The following ARID1A variants were observed in gnomAD, a reference collection of about 807,000 sequenced individuals.
The protein encoded by ARID1A is AT-rich interaction domain 1A, also known as AT-rich interactive domain-containing protein 1A.
ARID1A carries 20 observed loss-of-function variants against 212.6 expected under a neutral mutation model. That is an observed-to-expected ratio of 0.09 (90% CI 0.07 to 0.14). The LOEUF is 0.14. Ranked by LOEUF, ARID1A falls within the 10% of genes least tolerant of loss-of-function variation. The probability of loss-of-function intolerance (pLI) is 1.00; values close to 1 mark genes in which losing one functional copy is unlikely to be tolerated. For synonymous variants in ARID1A, 1,376 were observed against 1,222.1 expected (o/e 1.13, Z -2.63); for missense variants, 2,587 against 3,059.0 (o/e 0.85, Z 3.64).
rs2124082310 is a variant in ARID1A at position 26,766,569 on chromosome 1, A to T, written c.2988+3A>T. ...CCAAGACAGAATCCAAATCCAAGGT[A>T]GTGATTTTTGTCTTGACTCCTTTCA... On this transcript the variant is annotated splice_donor_region_variant and intron_variant, in intron 10 of 19. Transcript: ENST00000324856. 6.2e-7 allele frequency: 1 copy of T among 1,605,944 alleles called. No homozygotes were observed. The highest frequency in any genetic ancestry group is 1.1e-5 in the South Asian group (1 of 89,966).
chr1:26,752,647 T>C (rs2080895032), intron 4 of ARID1A, among the ~76,000 whole-genome samples: 1 of 152,272 alleles, frequency 6.6e-6, no homozygotes, highest in Non-Finnish European at 1.5e-5. Flanking sequence ...TCATGGGTTA[T>C]GTTTCCCAGT....
At position 26,775,238 on chromosome 1, in the gene ARID1A, A is replaced by G. The variant is rs757459262; in HGVS notation, c.4993+18A>G. 1.0e-5 allele frequency: 16 copies of G among 1,556,810 alleles called. No individual in the cohort carries two copies. Among genetic ancestry groups the G allele is most frequent in the South Asian group, 9.7e-5 (8 of 82,482 alleles). ...AGACATTGGTAAGGAGATCTTCCTC[A>G]TTCGGTTGCCTAATCTGCCCCTTTC... On this transcript the variant is annotated intron_variant, in intron 18 of 19. Transcript: ENST00000324856.
At chr1:26,727,846 A>G (rs2080632796) in intron 1 of ARID1A, 1 of 152,224 alleles carries the variant, frequency 6.6e-6, no homozygotes, top group African/African-American at 2.4e-5. Context: ...TGAGGACCTC[A>G]GTGTGATATG....
chr1:26,706,909 T>G (rs961277030), intron 1 of ARID1A, among the ~76,000 whole-genome samples: 4 of 152,226 alleles, frequency 2.6e-5, no homozygotes, highest in African/African-American at 9.6e-5. Flanking sequence ...GTCTCCAGAT[T>G]TCTAACATTG....
chr1:26,706,747 G>A (rs778718073), intron 1 of ARID1A, among the ~76,000 whole-genome samples: 2 of 152,116 alleles, frequency 1.3e-5, no homozygotes, highest in Non-Finnish European at 1.5e-5. Context: ...CTGGGAATTG[G>A]TTTATTACTG....
intron 4 of ARID1A, among the ~76,000 whole-genome samples, chr1:26,735,022 T>C (rs956707496): frequency 1.3e-5 from 2 of 152,182 alleles, no homozygotes; most frequent in Non-Finnish European, 2.9e-5. Flanking sequence ...CAGTTATTGA[T>C]GCCAAGCCAT....
chr1:26,768,872 C>T (rs955946660), intron 11 of ARID1A, among the ~76,000 whole-genome samples: 5 of 152,054 alleles, frequency 3.3e-5, no homozygotes, highest in African/African-American at 7.3e-5. Context: ...TGGCTGAGCT[C>T]GGGGAGGTGT....
Position 26,696,731 on chromosome 1 carries a change from A to G in ARID1A, c.328A>G (p.Arg110Gly), listed in dbSNP as rs1444337339. ...GAACTCGAACGGGAACGCGGGCCCT[A>G]GGCCCGCCCTGAACAATAACCTCAC... is the stretch of plus-strand genomic sequence containing the variant. ...LKNSNGNAGP[R>G]PALNNNLTEP... Residue 110 changes from arginine (R) to glycine (G), a missense_variant, in exon 1 of 20, where the codon AGG (arginine) becomes GGG (glycine). This residue lies in a region of ARID1A where 735 missense variants were observed against 590.6 expected (regional missense o/e 1.24). Coordinates refer to ENST00000324856, the MANE Select transcript of ARID1A (RefSeq NM_006015.6). The G allele has an allele frequency of 1.7e-5, 23 of 1,371,672 alleles. No homozygotes were observed. The highest frequency in any genetic ancestry group is 9.3e-5 in the East Asian group (3 of 32,326). 85.0% of individuals were successfully genotyped at this position (1,371,672 alleles called of 1,614,324 possible).
chr1:26,755,359 C>A (rs1214051085), intron 4 of ARID1A, among the ~76,000 whole-genome samples: 3 of 152,182 alleles, frequency 2.0e-5, no homozygotes, highest in East Asian at 3.8e-4. Flanking sequence ...CTCAAGCCAA[C>A]CAAATCAGAG....
intron 4 of ARID1A, among the ~76,000 whole-genome samples, chr1:26,753,635 G>A (rs1361429434): frequency 2.0e-5 from 3 of 152,188 alleles, no homozygotes; most frequent in African/African-American, 7.2e-5. Flanking sequence ...GAACTGGTAG[G>A]GCACTGAGTG....
chr1:26,731,517 G>A lies in ARID1A; in HGVS notation c.1716G>A (p.Thr572=), dbSNP rs147554664. 269 of 1,613,896 alleles carry A rather than the reference G, an allele frequency of 1.7e-4. No homozygotes were observed. The highest frequency in any genetic ancestry group is 1.6e-3 in the Admixed American group (98 of 59,990). The change falls in exon 3 of 20, where the codon ACG becomes ACA. Residue 572 remains threonine, a synonymous_variant. Transcript: ENST00000324856. ...QQQPQQPAPS[T]LSQQAAYPQP... is the part of the protein sequence containing the mutation. Reference sequence around the variant, plus strand: ...AACCTCAGCAGCCAGCACCCTCGACGCTCTCCCAGCAGGCTGCGTATCCTC... The same window carrying A: ...AACCTCAGCAGCCAGCACCCTCGACACTCTCCCAGCAGGCTGCGTATCCTC...
chr1:26,735,181 A>G (rs2080717666), intron 4 of ARID1A, among the ~76,000 whole-genome samples: 1 of 150,104 alleles, frequency 6.7e-6, no homozygotes, highest in South Asian at 2.1e-4. Context: ...GCTGGAGTGC[A>G]ATGGCACGAT....
At chr1:26,762,403 AC>A in intron 7 of ARID1A, 84 bp downstream of exon 7, 3 of 1,456,118 alleles carry the variant, frequency 2.1e-6, no homozygotes, top group Non-Finnish European at 2.8e-6. Flanking sequence ...CTAGCTTGTA[AC>A]CTTGTGAGAG....
Position 26,781,492 on chromosome 1 carries a change from A to T in ARID1A, c.*736A>T, listed in dbSNP as rs981060933. On this transcript the variant is annotated 3_prime_UTR_variant, in exon 20 of 20. Transcript: ENST00000324856. Reference sequence around the variant, plus strand: ...AAAAAGGCTTTTCCCCCAAAGTATCATGTGTGAACCTACAACACCCTGACC... The same window carrying T: ...AAAAAGGCTTTTCCCCCAAAGTATCTTGTGTGAACCTACAACACCCTGACC... The T allele has an allele frequency of 1.3e-5, 3 of 232,514 alleles. No homozygotes were observed. The highest frequency in any genetic ancestry group is 6.6e-5 in the African/African-American group (3 of 45,118). The allele number at this position is 232,514 out of a possible 1,614,324, so 14.4% of individuals were successfully genotyped here.
In ARID1A at chr1:26,779,034, G is replaced by A. The variant is rs2124136434; in HGVS notation, c.5136G>A (p.Leu1712=). 6.7e-7 allele frequency: 1 copy of A among 1,503,348 alleles called. No individual in the cohort carries two copies. The highest frequency in any genetic ancestry group is 1.4e-5 in the African/African-American group (1 of 71,594). The allele number at this position is 1,503,348 out of a possible 1,614,324, so 93.1% of individuals were successfully genotyped here. A position where few individuals can be genotyped will look rare whatever the true frequency, so the allele number is the denominator to read the frequency against. ...MTFNLSQLPG[L]LELLVEYFRR... ...CTTTCTCTTTTTAGCTCCCAGGGTT[G>A]CTAGAGCTCCTTGTAGAATATTTCC... The change falls in exon 20 of 20, where the codon TTG becomes TTA. Residue 1712 remains leucine (L), a synonymous_variant. Transcript: ENST00000324856.
rs868857123 is a variant in ARID1A at position 26,699,500 on chromosome 1, G to A, written c.1137+1960G>A. Among the ~76,000 whole-genome samples the A allele has an allele frequency of 3.3e-5, 5 of 152,310 alleles. No individual in the cohort carries two copies. The South Asian group carries it at 1.0e-3, about 32-fold the overall frequency. ...AGCTACTTTACTACTCTTTTGAGCT[G>A]GGGATTTTGAAATTAGCTGTGTTAG... On this transcript the variant is annotated intron_variant, in intron 1 of 19. Transcript: ENST00000324856.
chr1:26,773,524 T>C (rs769046633), intron 15 of ARID1A, 28 bp downstream of exon 15: 1 of 1,613,142 alleles, frequency 6.2e-7, no homozygotes, highest in Non-Finnish European at 8.5e-7. Flanking sequence ...TCCTGTCCAC[T>C]CCCCCAGCAC....
chr1:26,757,819 C>T (rs180765392), intron 4 of ARID1A, among the ~76,000 whole-genome samples: 1 of 152,222 alleles, frequency 6.6e-6, no homozygotes, highest in African/African-American at 2.4e-5. Flanking sequence ...CAGGTGCCCA[C>T]CACCACGCCC....
Position 26,696,426 on chromosome 1 carries a change from C to T in ARID1A, c.23C>T (p.Ala8Val). Residue 8 changes from alanine to valine, a missense_variant, in exon 1 of 20, where the codon GCC (alanine) becomes GTC (valine). Around this residue, in one of 11 missense-constraint regions of ARID1A, gnomAD observed 735 missense variants for 590.6 expected, o/e 1.24. Transcript: ENST00000324856. MAAQVAP[A>V]AASSLGNPPP... is the part of the protein sequence containing the mutation. ...ATCATGGCCGCGCAGGTCGCCCCCG[C>T]CGCCGCCAGCAGCCTGGGCAACCCG... The T allele has an allele frequency of 1.5e-6, 2 of 1,290,992 alleles. No homozygotes were observed. The highest frequency in any genetic ancestry group is 9.8e-7 in the Non-Finnish European group (1 of 1,020,442). 80.0% of individuals were successfully genotyped at this position (1,290,992 alleles called of 1,614,324 possible).
Sources: gnomAD v4.1 joint callset for allele counts (sites outside exome capture counted in the v4.1 genomes callset) on GRCh38, gnomAD v4.1.1 for gene constraint, gnomAD v4.1.1 regional missense constraint, MANE v1.5 for transcripts, NCBI Gene and HGNC (gene_info 2026-07-23, HGNC 2026-07-21) for gene names.